Variants in CPLX4 observed in about 807,000 individuals in gnomAD.
CPLX4 encodes the protein complexin 4.
CPLX4 carries 17 observed loss-of-function variants against 16.1 expected under a neutral mutation model. The observed-to-expected ratio is 1.06, with a 90% CI of 0.72 to 1.59. The LOEUF is 1.59. Ranked by LOEUF, CPLX4 falls within the 40% of genes most tolerant of loss-of-function variation. The pLI, the probability that CPLX4 is intolerant of heterozygous loss-of-function variation, is 0.00. For missense variants in CPLX4, 193 were observed against 192.9 expected, an observed-to-expected ratio of 1.00 and a Z score of 0.00; for synonymous variants, 55 against 57.8, an observed-to-expected ratio of 0.95 and a Z score of 0.22.
chr18:59,307,936 A>AT (rs34676647), intron 2 of CPLX4, among the ~76,000 whole-genome samples: 448 of 144,298 alleles, frequency 3.1e-3, no homozygotes, highest in South Asian at 0.016. Flanking sequence ...TGCCCGGCTA[A>AT]TTTTTTTTTT....
intron 2 of CPLX4, among the ~76,000 whole-genome samples, chr18:59,301,119 C>T (rs2070538362): frequency 6.6e-6 from 1 of 152,216 alleles, no homozygotes; most frequent in African/African-American, 2.4e-5. Flanking sequence ...CTCCTCAGGC[C>T]TAGTCTGCCT....
intron 2 of CPLX4, among the ~76,000 whole-genome samples, chr18:59,309,477 C>A (rs1420960507): frequency 6.6e-6 from 1 of 151,980 alleles, no homozygotes; most frequent in East Asian, 1.9e-4. Context: ...TTTTTTTAAG[C>A]CACGTGGAAT....
intron 2 of CPLX4, among the ~76,000 whole-genome samples, chr18:59,303,176 G>A (rs2070553474): frequency 6.6e-6 from 1 of 152,174 alleles, no homozygotes; most frequent in African/African-American, 2.4e-5. Flanking sequence ...TGCTCCTTCT[G>A]CTGTGCCCCA....
chr18:59,300,494 T>C (rs654802), intron 2 of CPLX4, among the ~76,000 whole-genome samples: 80,405 of 151,968 alleles, frequency 0.53, 21,414 homozygotes, highest in African/African-American at 0.6. Flanking sequence ...TCTTTATAAT[T>C]CCATTGGGGC....
At chr18:59,313,255 C>A (rs890000533) in intron 1 of CPLX4, among the ~76,000 whole-genome samples, 1 of 152,166 alleles carries the variant, frequency 6.6e-6, no homozygotes, top group Admixed American at 6.5e-5. Flanking sequence ...CCAGGCAGTT[C>A]TTTGAAGACC....
At chr18:59,316,590 T>C (rs2070653017) in intron 1 of CPLX4, among the ~76,000 whole-genome samples, 1 of 152,196 alleles carries the variant, frequency 6.6e-6, no homozygotes, top group African/African-American at 2.4e-5. Flanking sequence ...AAATGCTCCA[T>C]TGTCCTGACA....
At chr18:59,311,269 A>G (rs1027860470) in intron 2 of CPLX4, among the ~76,000 whole-genome samples, 6 of 152,178 alleles carry the variant, frequency 3.9e-5, no homozygotes, top group Non-Finnish European at 8.8e-5. Flanking sequence ...GGGTAGGAAA[A>G]GCAAGGCATT....
At chr18:59,303,462 G>A (rs900865544) in intron 2 of CPLX4, among the ~76,000 whole-genome samples, 1 of 152,144 alleles carries the variant, frequency 6.6e-6, no homozygotes, top group Non-Finnish European at 1.5e-5. Flanking sequence ...GTGAGGTCTC[G>A]AGAGGTAAAG....
intron 2 of CPLX4, among the ~76,000 whole-genome samples, chr18:59,299,464 A>C (rs901918136): frequency 2.0e-5 from 3 of 152,236 alleles, no homozygotes; most frequent in Admixed American, 2.0e-4. Flanking sequence ...GGGCAGCTAG[A>C]GGGGCTAGAG....
At chr18:59,309,359 C>T (rs2070599700) in intron 2 of CPLX4, among the ~76,000 whole-genome samples, 1 of 152,156 alleles carries the variant, frequency 6.6e-6, no homozygotes, top group South Asian at 2.1e-4. Context: ...ACAATGTTCT[C>T]AAGTGAAATT....
intron 1 of CPLX4, among the ~76,000 whole-genome samples, chr18:59,313,060 A>G (rs2070628406): frequency 6.6e-6 from 1 of 152,128 alleles, no homozygotes; most frequent in Admixed American, 6.5e-5. Context: ...TTTTCCGTGG[A>G]CTGTTCAGCC....
In CPLX4 at chr18:59,318,334, C is replaced by T. The variant is rs1227084386; in HGVS notation, c.129G>A (p.Glu43=). The change falls in exon 1 of 3, where the codon GAG becomes GAA. Residue 43 remains glutamate (E), a synonymous_variant. Coordinates refer to ENST00000299721, the MANE Select transcript of CPLX4 (RefSeq NM_181654.4). ...DPAAAQGMTR[E]EYEEYQKQMI... ...TTTGCTTTTGATACTCCTCATACTCCTCTCTAGTCATCCCTTGAGCTGCTG... is the reference window on the plus strand; with the variant it reads ...TTTGCTTTTGATACTCCTCATACTCTTCTCTAGTCATCCCTTGAGCTGCTG... The T allele has an allele frequency of 3.1e-6, 5 of 1,613,524 alleles. No individual in the cohort carries two copies. The highest frequency in any genetic ancestry group is 1.3e-5 in the African/African-American group (1 of 74,884).
chr18:59,318,046 T>G (rs2070662711), intron 1 of CPLX4, among the ~76,000 whole-genome samples: 1 of 152,152 alleles, frequency 6.6e-6, no homozygotes. Context: ...GTTAAGCTGC[T>G]TTAAGAACAA....
At chr18:59,297,058 G>C in intron 2 of CPLX4, 133 bp from the exon 3 acceptor site, 1 of 1,404,038 alleles carries the variant, frequency 7.1e-7, no homozygotes, top group Non-Finnish European at 9.4e-7. Flanking sequence ...CCTTGCAGCA[G>C]AGCCTGGTCC....
chr18:59,310,900 A>T (rs2070612214), intron 2 of CPLX4, among the ~76,000 whole-genome samples: 1 of 152,094 alleles, frequency 6.6e-6, no homozygotes, highest in Non-Finnish European at 1.5e-5. Context: ...TGCCAAAAAT[A>T]AATCTGTAAA....
chr18:59,315,966 C>A (rs553029515), intron 1 of CPLX4, among the ~76,000 whole-genome samples: 1 of 152,194 alleles, frequency 6.6e-6, no homozygotes. Flanking sequence ...AGTCTCCCCC[C>A]ACCAAGTAAA....
intron 2 of CPLX4, among the ~76,000 whole-genome samples, chr18:59,307,248 T>C (rs1055900200): frequency 6.6e-6 from 1 of 152,222 alleles, no homozygotes; most frequent in Non-Finnish European, 1.5e-5. Flanking sequence ...TGGTTATGTA[T>C]TGAGTGCACA....
At chr18:59,312,932 CCTCT>C (rs200153898) in intron 1 of CPLX4, among the ~76,000 whole-genome samples, 160 bp from the exon 2 acceptor site, 1,822 of 152,208 alleles carry the variant, frequency 0.012, 17 homozygotes, top group Middle Eastern at 0.024. Flanking sequence ...CAAACGTCTG[CCTCT>C]CTGTTTGTTA....
intron 2 of CPLX4, among the ~76,000 whole-genome samples, chr18:59,304,923 CAG>C (rs1491163411): frequency 3.1e-5 from 3 of 96,252 alleles, no homozygotes; most frequent in African/African-American, 1.4e-4. Flanking sequence ...ACTCAACAAT[CAG>C]TGTGTGTGTG....
Sources: gnomAD v4.1 joint callset for allele counts (sites outside exome capture counted in the v4.1 genomes callset) on GRCh38, gnomAD v4.1.1 for gene constraint, MANE v1.5 for transcripts, NCBI Gene and HGNC (gene_info 2026-07-23, HGNC 2026-07-21) for gene names.